GGTA1: variants seen among roughly 807,000 people sequenced by gnomAD.
The protein encoded by GGTA1 is glycoprotein alpha-galactosyltransferase 1 (inactive), also known as inactive N-acetyllactosaminide alpha-1,3-galactosyltransferase.
A neutral mutation model predicts 2.6 loss-of-function variants in GGTA1; 5 were observed. The ratio of observed to expected loss-of-function variants is 1.92; its 90% CI spans 1.00 to 4.04. GGTA1 has a LOEUF of 4.04. Ranked by LOEUF, GGTA1 falls within the 30% of genes most tolerant of loss-of-function variation. GGTA1 has a pLI of 0.00. For synonymous variants in GGTA1, 17 were observed against 5.0 expected (o/e 3.38, Z -3.19); for missense variants, 50 against 16.7 (o/e 2.99, Z -3.47).
chr9:121,474,666 A>G (rs745549145), intron 1 of GGTA1, among the ~76,000 whole-genome samples: 11 of 152,126 alleles, frequency 7.2e-5, no homozygotes, highest in Non-Finnish European at 1.0e-4. Flanking sequence ...ACAGAATTCC[A>G]CTCTGAAAGG....
At chr9:121,452,963 C>A (rs948046166), downstream of GGTA1, among the ~76,000 whole-genome samples, 1 of 152,196 alleles carries the variant, frequency 6.6e-6, no homozygotes. Context: ...ACTAGTAGCA[C>A]CTTTGGGTGT....
intron 1 of GGTA1, among the ~76,000 whole-genome samples, chr9:121,488,432 G>T (rs1423983108): frequency 6.6e-6 from 1 of 152,086 alleles, no homozygotes; most frequent in Non-Finnish European, 1.5e-5. Flanking sequence ...AAGGATATTG[G>T]GCCTGGGCAT....
intron 2 of GGTA1, among the ~76,000 whole-genome samples, chr9:121,464,840 C>T (rs566089898): frequency 2.8e-4 from 42 of 152,146 alleles, no homozygotes; most frequent in Non-Finnish European, 5.1e-4. Flanking sequence ...TCTTTCAATA[C>T]GCTTTACTGA....
chr9:121,490,899 T>G (rs2118766606), intron 1 of GGTA1, among the ~76,000 whole-genome samples: 1 of 152,330 alleles, frequency 6.6e-6, no homozygotes, highest in Admixed American at 6.5e-5. Context: ...TCAATGTAGC[T>G]GCCCCAAACA....
chr9:121,463,060 C>T, intron 3 of GGTA1: 1 of 263,158 alleles, frequency 3.8e-6, no homozygotes, highest in Non-Finnish European at 7.4e-6. Context: ...CCAAATGACA[C>T]TGCTTAAGAG....
chr9:121,476,766 A>G lies in GGTA1; in HGVS notation c.-9-8835T>C. 6.6e-6 allele frequency among the ~76,000 whole-genome samples: 1 copy of G among 152,242 alleles called. No homozygotes were observed. Among genetic ancestry groups the G allele is most frequent in the East Asian group, 1.9e-4 (1 of 5,172 alleles). On this transcript the variant is annotated intron_variant, in intron 1 of 5. Transcript: ENST00000481799. This position sits in a 1 kb window ranked among gnomAD's most constrained non-coding sequence, Gnocchi z 4.6. ...TAGGTGTCAGGGTCCTCATGTGCAC[A>G]AGCCCCTTTGCAAGACTGGGCCTGA...
chr9:121,485,096 G>T (rs907959190), intron 1 of GGTA1, among the ~76,000 whole-genome samples: 3 of 152,172 alleles, frequency 2.0e-5, no homozygotes, highest in African/African-American at 7.2e-5. Context: ...TCTGGAAGAG[G>T]CTCATGATTT....
intron 1 of GGTA1, among the ~76,000 whole-genome samples, chr9:121,490,468 C>A (rs1052995573): frequency 2.6e-5 from 4 of 152,188 alleles, no homozygotes; most frequent in African/African-American, 7.2e-5. Flanking sequence ...TACAAGGTTC[C>A]CCATCTCTGG....
intron 1 of GGTA1, among the ~76,000 whole-genome samples, chr9:121,497,607 G>T (rs1829021379): frequency 6.6e-6 from 1 of 152,066 alleles, no homozygotes; most frequent in Non-Finnish European, 1.5e-5. Flanking sequence ...CTGGACGAAG[G>T]CAGGGACGGG....
chr9:121,496,590 A>G (rs1326394229), intron 1 of GGTA1, among the ~76,000 whole-genome samples: 1 of 151,442 alleles, frequency 6.6e-6, no homozygotes, highest in Non-Finnish European at 1.5e-5. Context: ...AAAATTAGCC[A>G]GTGTGGTGGC....
chr9:121,450,437 C>T (rs1348928559), downstream of GGTA1, among the ~76,000 whole-genome samples: 1 of 152,098 alleles, frequency 6.6e-6, no homozygotes, highest in Non-Finnish European at 1.5e-5. Context: ...TGAAAACAAA[C>T]CAAACATTAC....
At chr9:121,458,050 C>T (rs1220737884) in intron 5 of GGTA1, among the ~76,000 whole-genome samples, 1 of 151,288 alleles carries the variant, frequency 6.6e-6, no homozygotes, top group African/African-American at 2.4e-5. Context: ...GCTGAGATTA[C>T]AGGCACCCAC....
chr9:121,464,142 C>T (rs1422408777), intron 2 of GGTA1, among the ~76,000 whole-genome samples: 1 of 152,198 alleles, frequency 6.6e-6, no homozygotes, highest in Non-Finnish European at 1.5e-5. Context: ...ATCCACATTG[C>T]AGTGGCTTTT....
chr9:121,465,468 G>A (rs1394626914), intron 2 of GGTA1, among the ~76,000 whole-genome samples: 1 of 152,164 alleles, frequency 6.6e-6, no homozygotes, highest in Non-Finnish European at 1.5e-5. Context: ...TTCAAAATTC[G>A]TATGTGGAGG....
intron 1 of GGTA1, among the ~76,000 whole-genome samples, chr9:121,487,657 G>T (rs1425350086): frequency 6.6e-6 from 1 of 151,232 alleles, no homozygotes; most frequent in Non-Finnish European, 1.5e-5. Context: ...CCTTGAAAAT[G>T]CTCCACTGAG....
chr9:121,466,922 C>T lies in GGTA1; in HGVS notation c.80+921G>A, dbSNP rs540353015. Among the ~76,000 whole-genome samples, 7 of 147,436 alleles carry T rather than the reference C, an allele frequency of 4.7e-5. No individual in the cohort carries two copies. In the East Asian group the frequency reaches 1.4e-3, roughly 29 times the overall value. ...GAGTCGAGATCATGCCACTGTGTTCCAGCCTAGGTGACAAGAGAGAGACTC... is the reference window on the plus strand; with the variant it reads ...GAGTCGAGATCATGCCACTGTGTTCTAGCCTAGGTGACAAGAGAGAGACTC... On this transcript the variant is annotated intron_variant, in intron 2 of 5. Coordinates refer to ENST00000481799, the MANE Select transcript of GGTA1 (RefSeq NM_001382585.1).
intron 2 of GGTA1, among the ~76,000 whole-genome samples, chr9:121,467,237 G>A (rs1175813527): frequency 6.6e-6 from 1 of 152,144 alleles, no homozygotes; most frequent in Non-Finnish European, 1.5e-5. Flanking sequence ...AGGCACAGAG[G>A]TAGCTCATAT....
intron 1 of GGTA1, among the ~76,000 whole-genome samples, chr9:121,470,834 A>C (rs1828371916): frequency 1.3e-5 from 2 of 152,258 alleles, no homozygotes; most frequent in Admixed American, 1.3e-4. Context: ...ATTACCAGCC[A>C]TTATTCTGGA....
At chr9:121,453,516 TC>T (rs1452000141), downstream of GGTA1, among the ~76,000 whole-genome samples, 1 of 152,214 alleles carries the variant, frequency 6.6e-6, no homozygotes, top group Non-Finnish European at 1.5e-5. Flanking sequence ...GGCTGCATTT[TC>T]CCCGTTGGGA....
Sources: gnomAD v4.1 joint callset for allele counts (sites outside exome capture counted in the v4.1 genomes callset) on GRCh38, gnomAD v4.1.1 for gene constraint, Gnocchi (gnomAD v3.1) non-coding constraint, MANE v1.5 for transcripts, NCBI Gene and HGNC (gene_info 2026-07-23, HGNC 2026-07-21) for gene names.